The following TLL1 variants were observed in gnomAD, a reference collection of about 807,000 sequenced individuals.
TLL1 encodes the protein tolloid like 1.
Under a neutral mutation model 128.2 loss-of-function variants are expected in TLL1, and 49 were observed. The observed-to-expected ratio is 0.38, with a 90% CI of 0.30 to 0.48. TLL1 has a LOEUF of 0.48. Among genes scored for constraint, TLL1 ranks in the 20% least tolerant of loss-of-function variants. The pLI, the probability that TLL1 is intolerant of heterozygous loss-of-function variation, is 0.96. For synonymous variants in TLL1, 454 were observed against 418.8 expected, an observed-to-expected ratio of 1.08 and a Z score of -1.03; for missense variants, 1,123 against 1,242.0, an observed-to-expected ratio of 0.90 and a Z score of 1.44.
At chr4:166,003,799 T>A (rs1253955914) in intron 6 of TLL1, among the ~76,000 whole-genome samples, 1 of 152,162 alleles carries the variant, frequency 6.6e-6, no homozygotes, top group African/African-American at 2.4e-5. Flanking sequence ...TTTTAAGATT[T>A]AGCTGTTTTA....
chr4:166,067,457 G>A (rs541120639), intron 16 of TLL1, among the ~76,000 whole-genome samples: 27 of 151,710 alleles, frequency 1.8e-4, no homozygotes, highest in Middle Eastern at 3.4e-3. Flanking sequence ...CAGCTCTGAA[G>A]CCTTGTGCAG....
At chr4:166,018,763 C>T (rs1412774957) in intron 8 of TLL1, among the ~76,000 whole-genome samples, 1 of 152,156 alleles carries the variant, frequency 6.6e-6, no homozygotes, top group Non-Finnish European at 1.5e-5. Context: ...GATGTCATCT[C>T]ACACCAGTCA....
At position 166,003,445 on chromosome 4, in the gene TLL1, C is replaced by T; in HGVS notation, c.687C>T (p.Gly229=). The T allele has an allele frequency of 6.2e-7, 1 of 1,614,002 alleles. No individual in the cohort carries two copies. The highest frequency in any genetic ancestry group is 8.5e-7 in the Non-Finnish European group (1 of 1,179,948). The change falls in exon 6 of 21, where the codon GGC becomes GGT. Residue 229 remains glycine, a synonymous_variant. Coordinates refer to ENST00000061240, the MANE Select transcript of TLL1 (RefSeq NM_012464.5). ...RGNGPQAISI[G]KNCDKFGIVV... is the part of the protein sequence containing the mutation. Reference sequence around the variant, plus strand: ...ATGGACCTCAGGCAATCTCTATCGGCAAGAACTGTGATAAATTTGGGATTG... The same window carrying T: ...ATGGACCTCAGGCAATCTCTATCGGTAAGAACTGTGATAAATTTGGGATTG...
rs1439960538 is a variant in TLL1, at chr4:166,091,292, T to C, written c.2607T>C (p.Val869=). The C allele has an allele frequency of 6.2e-7, 1 of 1,613,088 alleles. No homozygotes were observed. The highest frequency in any genetic ancestry group is 1.3e-5 in the African/African-American group (1 of 75,000). The change falls in exon 19 of 21, where the codon GTT becomes GTC. Residue 869 remains valine, a synonymous_variant. Coordinates refer to ENST00000061240, the MANE Select transcript of TLL1 (RefSeq NM_012464.5). ...GAAATAAAATGTTTGTTCGGTTTGT[T>C]TCTGATGCATCTGTTCAAAGAAAAG... is the stretch of plus-strand genomic sequence containing the variant. ...ATGNKMFVRF[V]SDASVQRKGF...
At chr4:166,055,395 T>A in intron 13 of TLL1, 124 bp downstream of exon 13, 1 of 857,658 alleles carries the variant, frequency 1.2e-6, no homozygotes, top group Non-Finnish European at 1.9e-6. Context: ...AAGGATATTT[T>A]GGAGAGTTTC....
At chr4:166,093,113 G>A (rs776891049) in intron 19 of TLL1, among the ~76,000 whole-genome samples, 8 of 152,148 alleles carry the variant, frequency 5.3e-5, no homozygotes, top group Non-Finnish European at 7.3e-5. Context: ...CATCAGGTGG[G>A]ACGAGAGACT....
intron 1 of TLL1, among the ~76,000 whole-genome samples, chr4:165,932,296 C>T (rs918167761): frequency 2.6e-5 from 4 of 152,158 alleles, no homozygotes; most frequent in African/African-American, 9.7e-5. Flanking sequence ...GTGACTTGTT[C>T]CACATAGCAC....
At chr4:166,048,177 A>C (rs911948488) in intron 12 of TLL1, among the ~76,000 whole-genome samples, 48 of 149,196 alleles carry the variant, frequency 3.2e-4, no homozygotes, top group African/African-American at 1.2e-3. Context: ...CAGAGTTTGC[A>C]GTGAGCCAGG....
At chr4:165,885,393 G>A (rs1731123606) in intron 1 of TLL1, among the ~76,000 whole-genome samples, 4 of 151,940 alleles carry the variant, frequency 2.6e-5, no homozygotes, top group Admixed American at 2.0e-4. Context: ...GAGAGGAAGG[G>A]GAAGGTGTTC....
chr4:165,959,865 A>G (rs6536938), intron 1 of TLL1, among the ~76,000 whole-genome samples: 10,684 of 152,214 alleles, frequency 0.07, 987 homozygotes, highest in African/African-American at 0.21. Context: ...AGCTTATAGT[A>G]CTAAACACCT....
chr4:166,094,662 A>T (rs1741940233), intron 19 of TLL1, among the ~76,000 whole-genome samples: 2 of 152,110 alleles, frequency 1.3e-5, no homozygotes, highest in African/African-American at 4.8e-5. Context: ...CTGGCTTCGC[A>T]ATTCCTGTTC....
intron 1 of TLL1, among the ~76,000 whole-genome samples, chr4:165,929,689 T>C (rs911302090): frequency 2.6e-5 from 4 of 152,238 alleles, no homozygotes; most frequent in Admixed American, 2.0e-4. Flanking sequence ...GATATCACTG[T>C]GACTTAAAGA....
At chr4:165,997,326 A>T (rs1736931626) in intron 5 of TLL1, among the ~76,000 whole-genome samples, 1 of 152,134 alleles carries the variant, frequency 6.6e-6, no homozygotes, top group African/African-American at 2.4e-5. Context: ...TTCATCTCAT[A>T]AAAAAAGACA....
At position 166,039,418 on chromosome 4, in the gene TLL1, A is replaced by G; in HGVS notation, c.1238A>G (p.Tyr413Cys). 6.2e-7 allele frequency: 1 copy of G among 1,612,696 alleles called. No homozygotes were observed. The highest frequency in any genetic ancestry group is 2.2e-5 in the East Asian group (1 of 44,732). ...WYDYIEVRDG[Y>C]WRKSPLLGRF... ...GACTATATTGAAGTAAGAGACGGGT[A>G]CTGGAGAAAATCACCTCTCCTTGGT... The change falls in exon 10 of 21, where the codon TAC (tyrosine) becomes TGC (cysteine). Residue 413 changes from tyrosine (Y) to cysteine (C), a missense_variant. By Grantham distance (194) the Tyr-to-Cys change is radical. Around this residue, in one of 3 missense-constraint regions of TLL1, gnomAD observed 480 missense variants for 542.4 expected, o/e 0.89. Coordinates refer to ENST00000061240, the MANE Select transcript of TLL1 (RefSeq NM_012464.5).
chr4:166,026,163 G>A (rs368734051), intron 9 of TLL1, among the ~76,000 whole-genome samples: 3 of 151,992 alleles, frequency 2.0e-5, no homozygotes, highest in Non-Finnish European at 4.4e-5. Context: ...CAAGGTGGGC[G>A]GATCACTCGA....
chr4:165,947,946 T>A (rs1405011096), intron 1 of TLL1, among the ~76,000 whole-genome samples: 1 of 152,144 alleles, frequency 6.6e-6, no homozygotes, highest in Non-Finnish European at 1.5e-5. Flanking sequence ...AACCCTCAAA[T>A]TCTACTGGTA....
rs538304671 is a variant in TLL1, at chr4:166,054,529, A to G, written c.1525-547A>G. ...CGCTGCACCCACTAACTCGTCATCT[A>G]GCATTAGGTATATCTCCCAATGCTA... On this transcript the variant is annotated intron_variant, in intron 12 of 20. Transcript: ENST00000061240. Among the ~76,000 whole-genome samples the G allele has an allele frequency of 2.5e-3, 374 of 150,956 alleles. 2 individuals are homozygous for G. The highest frequency in any genetic ancestry group is 7.9e-3 in the African/African-American group (327 of 41,174).
In TLL1 at chr4:166,018,268, A is replaced by G. The variant is rs558375938; in HGVS notation, c.1042+3708A>G. On this transcript the variant is annotated intron_variant, in intron 8 of 20. Coordinates refer to ENST00000061240, the MANE Select transcript of TLL1 (RefSeq NM_012464.5). ...GTGCAGAAGAATGAAACTGGACTCTATCTTTCACCGTATATAACCATATAC... is the reference window on the plus strand; with the variant it reads ...GTGCAGAAGAATGAAACTGGACTCTGTCTTTCACCGTATATAACCATATAC... 2.6e-5 allele frequency among the ~76,000 whole-genome samples: 4 copies of G among 152,202 alleles called. No individual in the cohort carries two copies. In the East Asian group the frequency reaches 5.8e-4, roughly 22 times the overall value.
Position 165,968,877 on chromosome 4 carries a change from AT to A in TLL1, c.170-20503del, listed in dbSNP as rs60838670. Among the ~76,000 whole-genome samples, 780 of 152,290 alleles carry A rather than the reference AT, an allele frequency of 5.1e-3. 11 individuals are homozygous for A. Among genetic ancestry groups the A allele is most frequent in the African/African-American group, 0.017 (725 of 41,576 alleles). On this transcript the variant is annotated intron_variant, in intron 1 of 20. Transcript: ENST00000061240. ...AACTGTGTTACTTTGAGTCAAAGAA[AT>A]ACTGATTGTGGTTTAGAAAGCTACT...
Sources: allele counts gnomAD v4.1 joint callset (sites outside exome capture counted in the v4.1 genomes callset), GRCh38; gene constraint gnomAD v4.1.1; regional missense constraint gnomAD v4.1.1; transcripts MANE v1.5; gene names NCBI Gene and HGNC (gene_info 2026-07-23, HGNC 2026-07-21).